Variants in RPH3AL observed in about 807,000 individuals in gnomAD.
RPH3AL encodes the protein rabphilin 3A like (without C2 domains).
In RPH3AL, 38 loss-of-function variants were observed where a neutral mutation model predicts 43.1. That is an observed-to-expected ratio of 0.88 (90% CI 0.68 to 1.15). RPH3AL has a LOEUF of 1.15. Ranked by LOEUF, RPH3AL falls within the 50% of genes most tolerant of loss-of-function variation. The pLI, the probability that RPH3AL is intolerant of heterozygous loss-of-function variation, is 0.00. For synonymous variants in RPH3AL, 189 were observed against 176.3 expected, an observed-to-expected ratio of 1.07 and a Z score of -0.57; for missense variants, 462 against 423.2, an observed-to-expected ratio of 1.09 and a Z score of -0.81.
At chr17:258,979 C>A (rs2042137191) in intron 6 of RPH3AL, among the ~76,000 whole-genome samples, 1 of 152,088 alleles carries the variant, frequency 6.6e-6, no homozygotes, top group South Asian at 2.1e-4. Flanking sequence ...TACGATTCAC[C>A]CCAATATTTA....
At chr17:300,736 C>T in intron 5 of RPH3AL, among the ~76,000 whole-genome samples, 1 of 132,006 alleles carries the variant, frequency 7.6e-6, no homozygotes, top group Admixed American at 7.3e-5. Flanking sequence ...CCCACTCTAG[C>T]AGGGGCTGGC....
At chr17:326,687 C>G (rs1306366169) in intron 3 of RPH3AL, among the ~76,000 whole-genome samples, 1 of 152,174 alleles carries the variant, frequency 6.6e-6, no homozygotes, top group Non-Finnish European at 1.5e-5. Flanking sequence ...TCGAGACCAG[C>G]CTGGCCAACA....
Position 247,131 on chromosome 17 carries a change from T to C in RPH3AL, c.593A>G (p.Tyr198Cys). 1 of 1,614,144 alleles carries C rather than the reference T, an allele frequency of 6.2e-7. No individual in the cohort carries two copies. Among genetic ancestry groups the C allele is most frequent in the Admixed American group, 1.7e-5 (1 of 60,026 alleles). Reference protein sequence around the residue: ...EPRSSETSRIYTWARGRVVSS... With the variant: ...EPRSSETSRICTWARGRVVSS... Reference sequence around the variant, plus strand: ...CTTACCTCTTCCTCGGGCCCACGTGTAGATGCGGCTGGTCTCAGAGCTTCT... The same window carrying C: ...CTTACCTCTTCCTCGGGCCCACGTGCAGATGCGGCTGGTCTCAGAGCTTCT... The change falls in exon 7 of 10, where the codon TAC becomes TGC. Residue 198 changes from tyrosine (Y) to cysteine (C), a missense_variant. Physicochemically the swap from Tyr to Cys is radical, Grantham distance 194 (BLOSUM62 -2). Transcript: ENST00000331302.
At chr17:261,975 AG>A (rs2042205706) in intron 6 of RPH3AL, 1 of 152,224 alleles carries the variant, frequency 6.6e-6, no homozygotes, top group Non-Finnish European at 1.5e-5. Flanking sequence ...GAGGATGTAA[AG>A]TTTCATTATT....
chr17:252,681 C>G (rs1365220545), intron 6 of RPH3AL, among the ~76,000 whole-genome samples: 1 of 152,190 alleles, frequency 6.6e-6, no homozygotes, highest in African/African-American at 2.4e-5. Context: ...GCACCCACCC[C>G]ATCAGCCCAG....
At chr17:337,350 C>T (rs2044986613) in intron 1 of RPH3AL, among the ~76,000 whole-genome samples, 1 of 152,188 alleles carries the variant, frequency 6.6e-6, no homozygotes, top group Admixed American at 6.5e-5. Flanking sequence ...ATCCTCCTGC[C>T]TCAGCCTCCC....
Position 243,155 on chromosome 17 carries a change from T to C in RPH3AL, c.613+3956A>G, listed in dbSNP as rs554179999. Among the ~76,000 whole-genome samples the C allele has an allele frequency of 1.4e-4, 20 of 143,022 alleles. 1 individual carries two copies. The highest frequency in any genetic ancestry group is 2.6e-4 in the African/African-American group (10 of 38,920). 93.8% of individuals were successfully genotyped at this position (143,022 alleles called of 152,430 possible). On this transcript the variant is annotated intron_variant, in intron 7 of 9. Transcript: ENST00000331302. The stretch of plus-strand genomic sequence containing the variant: ...TCCTCTACTGATTGCCCCTCCTCTA[T>C]TGATTACCTTCCTCTATTGATTACC...
At chr17:280,951 T>A (rs986967763) in intron 6 of RPH3AL, among the ~76,000 whole-genome samples, 4 of 152,050 alleles carry the variant, frequency 2.6e-5, no homozygotes, top group Non-Finnish European at 5.9e-5. Flanking sequence ...AAGTAATAAA[T>A]CCTGATCTGG....
At chr17:252,686 G>A (rs541808511) in intron 6 of RPH3AL, among the ~76,000 whole-genome samples, 1 of 152,264 alleles carries the variant, frequency 6.6e-6, no homozygotes, top group East Asian at 1.9e-4. Context: ...CACCCCATCA[G>A]CCCAGTGCTC....
At chr17:345,735 A>G (rs1230492641) in intron 1 of RPH3AL, among the ~76,000 whole-genome samples, 3 of 121,142 alleles carry the variant, frequency 2.5e-5, no homozygotes, top group East Asian at 2.9e-4. Flanking sequence ...CTACTGGGGC[A>G]CGCGTGCTCC....
chr17:266,919 T>A (rs1345794284), intron 6 of RPH3AL, among the ~76,000 whole-genome samples: 1 of 152,226 alleles, frequency 6.6e-6, no homozygotes, highest in African/African-American at 2.4e-5. Context: ...CCGATGCCTG[T>A]AGGGCTGCGT....
chr17:352,001 C>T (rs570728848), intron 1 of RPH3AL, among the ~76,000 whole-genome samples: 6 of 152,318 alleles, frequency 3.9e-5, no homozygotes, highest in African/African-American at 1.4e-4. Context: ...TTCAACTGCT[C>T]CTGACCAAGT....
rs1404705347 is a variant in RPH3AL, at chr17:225,003, T to C, written c.614-5267A>G. Among the ~76,000 whole-genome samples, 2 of 150,490 alleles carry C rather than the reference T, an allele frequency of 1.3e-5. No individual in the cohort carries two copies. Among genetic ancestry groups the C allele is most frequent in the South Asian group, 2.1e-4 (1 of 4,698 alleles). On this transcript the variant is annotated intron_variant, in intron 7 of 9. Transcript: ENST00000331302. This position sits in a 1 kb window ranked among gnomAD's most constrained non-coding sequence, Gnocchi z 4.4. ...GGGGGAGGGATAGCGTTAGGAGATA[T>C]ACCTAATGTAAATGACGAGTTAATG...
chr17:213,873 G>T lies in RPH3AL; in HGVS notation c.927C>A (p.Gly309=), dbSNP rs1426466908. 6.2e-7 allele frequency: 1 copy of T among 1,613,644 alleles called. No individual in the cohort carries two copies. The highest frequency in any genetic ancestry group is 8.5e-7 in the Non-Finnish European group (1 of 1,179,912). Residue 309 remains glycine (G), a synonymous_variant, in exon 10 of 10, where the codon GGC becomes GGA. Transcript: ENST00000331302. ...RAPAADAAPA[G]PSSCLG ...CACCTCAGCCCAGGCAGCTGGAGGGGCCTGCTGGAGCTGCGTCAGCAGCGG... is the reference window on the plus strand; with the variant it reads ...CACCTCAGCCCAGGCAGCTGGAGGGTCCTGCTGGAGCTGCGTCAGCAGCGG...
intron 7 of RPH3AL, among the ~76,000 whole-genome samples, chr17:243,595 T>C (rs2041646257): frequency 7.0e-6 from 1 of 142,362 alleles, no homozygotes; most frequent in African/African-American, 2.7e-5. Flanking sequence ...CTCTATTGAT[T>C]ACCCTTCCTC....
At chr17:331,410 A>G (rs1306475215) in intron 2 of RPH3AL, 3 of 315,664 alleles carry the variant, frequency 9.5e-6, no homozygotes, top group East Asian at 1.1e-4. Context: ...CCACGTTCAC[A>G]GGGGTGGCCC....
rs1301592247 is a variant in RPH3AL, at chr17:324,702, G to GCTAGCTATCTATCTATCTATCTAT, written c.77+2764_77+2765insATAGATAGATAGATAGATAGCTAG. 2.4e-3 allele frequency among the ~76,000 whole-genome samples: 291 copies of GCTAGCTATCTATCTATCTATCTAT among 119,912 alleles called. 1 individual carries two copies. Among genetic ancestry groups the GCTAGCTATCTATCTATCTATCTAT allele is most frequent in the Middle Eastern group, 8.5e-3 (2 of 236 alleles). 78.7% of individuals were successfully genotyped at this position (119,912 alleles called of 152,430 possible). ...ATCTTTCTATCTATCTAGCTAGCTA[G>GCTAGCTATCTATCTATCTATCTAT]CTATGTACCTATCTATCTATCTATC... On this transcript the variant is annotated intron_variant, in intron 3 of 9. Transcript: ENST00000331302.
intron 5 of RPH3AL, among the ~76,000 whole-genome samples, chr17:315,758 G>T (rs71369989): frequency 1.5e-5 from 2 of 137,486 alleles, no homozygotes; most frequent in African/African-American, 5.7e-5. Flanking sequence ...CACATCCATT[G>T]ACCTTTAGTC....
intron 3 of RPH3AL, chr17:321,762 GAC>G: frequency 3.8e-6 from 1 of 263,078 alleles, no homozygotes; most frequent in Non-Finnish European, 7.2e-6. Flanking sequence ...GGGCAACAGA[GAC>G]GGGGCAGACA....
Sources: allele counts gnomAD v4.1 joint callset (sites outside exome capture counted in the v4.1 genomes callset), GRCh38; gene constraint gnomAD v4.1.1; non-coding constraint Gnocchi (gnomAD v3.1); transcripts MANE v1.5; gene names NCBI Gene and HGNC (gene_info 2026-07-23, HGNC 2026-07-21).